Variants in RAB2A observed in about 807,000 individuals in gnomAD.
RAB2A encodes the protein RAB2A, member RAS oncogene family, also known as ras-related protein Rab-2A.
Under a neutral mutation model 32.5 loss-of-function variants are expected in RAB2A, and 7 were observed. The ratio of observed to expected loss-of-function variants is 0.22; its 90% confidence interval spans 0.12 to 0.40. RAB2A has a LOEUF of 0.40. RAB2A is among the 10% of genes least tolerant of loss of function. RAB2A has a pLI of 1.00. For synonymous variants in RAB2A, 79 were observed against 85.2 expected, an observed-to-expected ratio of 0.93 and a Z score of 0.40; for missense variants, 108 against 260.7, an observed-to-expected ratio of 0.41 and a Z score of 4.03.
At chr8:60,546,891 C>CTTTTTTTTTTTTTTTTTTTTTTTTT in intron 1 of RAB2A, among the ~76,000 whole-genome samples, 1 of 98,948 alleles carries the variant, frequency 1.0e-5, no homozygotes, top group Non-Finnish European at 2.0e-5. Flanking sequence ...TTTTTTGGGT[C>CTTTTTTTTTTTTTTTTTTTTTTTTT]TTTTTTTTTT....
chr8:60,595,631 A>G (rs964726327), intron 6 of RAB2A, among the ~76,000 whole-genome samples: 2 of 152,250 alleles, frequency 1.3e-5, no homozygotes, highest in Non-Finnish European at 2.9e-5. Context: ...GAAAAAAATT[A>G]TCAGAGTGGG....
intron 1 of RAB2A, among the ~76,000 whole-genome samples, chr8:60,555,029 T>C (rs886798369): frequency 3.9e-5 from 6 of 152,180 alleles, no homozygotes; most frequent in African/African-American, 9.7e-5. Flanking sequence ...AAGGAGATAA[T>C]TGTAGCCTGA....
chr8:60,567,605 T>A (rs1808135137), intron 2 of RAB2A, among the ~76,000 whole-genome samples: 1 of 152,092 alleles, frequency 6.6e-6, no homozygotes, highest in Admixed American at 6.5e-5. Flanking sequence ...TTTATGTTTT[T>A]ACAGCATTGA....
intron 6 of RAB2A, among the ~76,000 whole-genome samples, chr8:60,594,316 A>G (rs780681501): frequency 6.6e-6 from 1 of 152,200 alleles, no homozygotes; most frequent in African/African-American, 2.4e-5. Context: ...CCACATGATG[A>G]CGAACCTCTG....
intron 1 of RAB2A, among the ~76,000 whole-genome samples, chr8:60,544,884 T>G (rs1807703936): frequency 6.6e-6 from 1 of 152,098 alleles, no homozygotes; most frequent in Non-Finnish European, 1.5e-5. Flanking sequence ...GTTTTTCAGT[T>G]TGTAATGTAA....
chr8:60,564,197 A>T, intron 2 of RAB2A, among the ~76,000 whole-genome samples: 1 of 152,076 alleles, frequency 6.6e-6, no homozygotes, highest in East Asian at 1.9e-4. Flanking sequence ...TTTTGGTTTC[A>T]CTCAGAAAAT....
intron 2 of RAB2A, among the ~76,000 whole-genome samples, chr8:60,560,508 A>G (rs1220797437): frequency 6.6e-6 from 1 of 152,236 alleles, no homozygotes; most frequent in African/African-American, 2.4e-5. Context: ...AGTTGTATTT[A>G]GTATAGGATA....
chr8:60,585,243 A>G (rs1397304151), intron 5 of RAB2A, among the ~76,000 whole-genome samples: 1 of 152,106 alleles, frequency 6.6e-6, no homozygotes, highest in African/African-American at 2.4e-5. Flanking sequence ...TTACAGTGGT[A>G]AGAAAATATT....
chr8:60,517,542 C>G (rs1490665953), intron 1 of RAB2A, among the ~76,000 whole-genome samples: 3 of 152,098 alleles, frequency 2.0e-5, no homozygotes, highest in Admixed American at 2.0e-4. Flanking sequence ...GGAGGCCTAG[C>G]GCAGGGCCGC....
chr8:60,548,840 G>C (rs541375939), intron 1 of RAB2A, among the ~76,000 whole-genome samples: 4 of 151,322 alleles, frequency 2.6e-5, no homozygotes, highest in Non-Finnish European at 5.9e-5. Flanking sequence ...CCTCCCTCCC[G>C]GACGAGGTGG....
intron 6 of RAB2A, among the ~76,000 whole-genome samples, chr8:60,614,344 A>G (rs571932352): frequency 6.2e-4 from 95 of 152,002 alleles, no homozygotes; most frequent in African/African-American, 2.1e-3. Flanking sequence ...AATAGTTCCT[A>G]TTGTTCAGCA....
intron 2 of RAB2A, among the ~76,000 whole-genome samples, chr8:60,564,781 A>G (rs960184095): frequency 2.0e-5 from 3 of 152,194 alleles, no homozygotes; most frequent in African/African-American, 7.2e-5. Flanking sequence ...TCCCCCACCA[A>G]TAAAAAGTAA....
At chr8:60,546,004 G>A (rs1807721617) in intron 1 of RAB2A, among the ~76,000 whole-genome samples, 1 of 152,146 alleles carries the variant, frequency 6.6e-6, no homozygotes, top group African/African-American at 2.4e-5. Flanking sequence ...TACAGATCTT[G>A]CCCTGAAAGA....
intron 1 of RAB2A, among the ~76,000 whole-genome samples, chr8:60,541,654 A>G (rs1320981739): frequency 1.3e-5 from 2 of 152,180 alleles, no homozygotes; most frequent in African/African-American, 4.8e-5. Context: ...ACACTATTGC[A>G]CTCCAGACTG....
rs1162449764 is a variant in RAB2A at position 60,537,320 on chromosome 8, C to G, written c.46+20067C>G. ...CACTGCAACCTCTGCCTCCCGGGTTCAAGTGATTCTCGTGCCCCAGCCTCC... is the reference window on the plus strand; with the variant it reads ...CACTGCAACCTCTGCCTCCCGGGTTGAAGTGATTCTCGTGCCCCAGCCTCC... On this transcript the variant is annotated intron_variant, in intron 1 of 7. Coordinates refer to ENST00000262646, the MANE Select transcript of RAB2A (RefSeq NM_002865.3). Among the ~76,000 whole-genome samples the G allele has an allele frequency of 2.7e-5, 4 of 150,274 alleles. No individual in the cohort carries two copies. In the East Asian group the frequency reaches 8.0e-4, roughly 30 times the overall value.
chr8:60,598,971 A>AAAAAAG (rs1563482794), intron 6 of RAB2A, among the ~76,000 whole-genome samples: 1 of 142,056 alleles, frequency 7.0e-6, no homozygotes, highest in African/African-American at 2.7e-5. Flanking sequence ...AAAAAAGAAA[A>AAAAAAG]GGCATACAAC....
intron 1 of RAB2A, among the ~76,000 whole-genome samples, chr8:60,554,592 T>C (rs1273401987): frequency 2.0e-5 from 3 of 152,142 alleles, no homozygotes; most frequent in African/African-American, 7.2e-5. Flanking sequence ...TTGGAAATAA[T>C]TGGAGTGAAG....
At chr8:60,575,735 G>T (rs553540794) in intron 3 of RAB2A, among the ~76,000 whole-genome samples, 1 of 136,754 alleles carries the variant, frequency 7.3e-6, no homozygotes, top group Non-Finnish European at 1.5e-5. Flanking sequence ...TCAGCTCACC[G>T]CAACCTCCGC....
At chr8:60,526,039 A>C (rs1380521059) in intron 1 of RAB2A, among the ~76,000 whole-genome samples, 1 of 123,536 alleles carries the variant, frequency 8.1e-6, no homozygotes, top group Admixed American at 8.5e-5. Context: ...ATATATATAT[A>C]TATATATATA....
Sources: allele counts gnomAD v4.1 joint callset (sites outside exome capture counted in the v4.1 genomes callset), GRCh38; gene constraint gnomAD v4.1.1; transcripts MANE v1.5; gene names NCBI Gene and HGNC (gene_info 2026-07-23, HGNC 2026-07-21).